Variants in CEP83 observed in about 807,000 individuals in gnomAD.
CEP83 encodes the protein centrosomal protein 83, also known as centrosomal protein of 83 kDa.
CEP83 carries 70 observed loss-of-function variants against 101.9 expected under a neutral mutation model. That is an observed-to-expected ratio of 0.69 (90% CI 0.57 to 0.84). CEP83 has a LOEUF of 0.84. CEP83 is among the 40% of genes least tolerant of loss of function. CEP83 has a pLI of 0.00. For missense variants in CEP83, 715 were observed against 787.2 expected (o/e 0.91, Z 1.10); for synonymous variants, 264 against 267.9 (o/e 0.99, Z 0.14).
Position 94,331,694 on chromosome 12 carries a change from A to G in CEP83, c.1707+6T>C. 2 of 1,613,250 alleles carry G rather than the reference A, an allele frequency of 1.2e-6. No homozygotes were observed. The highest frequency in any genetic ancestry group is 1.7e-5 in the Admixed American group (1 of 60,000). On this transcript the variant is annotated splice_donor_region_variant and intron_variant, in intron 14 of 16. Coordinates refer to ENST00000397809, the MANE Select transcript of CEP83 (RefSeq NM_016122.3). ...GCCAGAGATCACTTTAATAAGAACC[A>G]CTTGCCTTTTTCTGGGCAATTGCAG...
rs74238537 is a variant in CEP83 at position 94,315,479 on chromosome 12, T to C, written c.1708-2462A>G. ...GTTCTTTATATATTCAAGATATGAA[T>C]CGTATGTCAGATATATATGTATTGC... On this transcript the variant is annotated intron_variant, in intron 14 of 16. Coordinates refer to ENST00000397809, the MANE Select transcript of CEP83 (RefSeq NM_016122.3). Among the ~76,000 whole-genome samples the C allele has an allele frequency of 2.6e-4, 39 of 152,222 alleles. No individual in the cohort carries two copies. The East Asian group carries it at 7.3e-3, about 29-fold the overall frequency.
chr12:94,325,420 G>A (rs554351084), intron 14 of CEP83, among the ~76,000 whole-genome samples: 11 of 152,070 alleles, frequency 7.2e-5, no homozygotes, highest in African/African-American at 1.4e-4. Context: ...TGATCTGTCC[G>A]CCTTGGCCTC....
intron 11 of CEP83, among the ~76,000 whole-genome samples, chr12:94,350,836 G>T (rs1250879364): frequency 6.6e-6 from 1 of 151,982 alleles, no homozygotes; most frequent in Admixed American, 6.6e-5. Context: ...TTTCAAAAAA[G>T]ATGCATATTA....
intron 14 of CEP83, among the ~76,000 whole-genome samples, chr12:94,319,321 G>A (rs2136352597): frequency 6.6e-6 from 1 of 152,096 alleles, no homozygotes; most frequent in East Asian, 1.9e-4. Flanking sequence ...GCTAACTAGT[G>A]GCCTAACAAT....
At chr12:94,271,381 C>A in the CEP83 span, among the ~76,000 whole-genome samples, 1 of 152,320 alleles carries the variant, frequency 6.6e-6, no homozygotes, top group Non-Finnish European at 1.5e-5. Context: ...AGACCTGTTC[C>A]CCTGCCCTTG....
chr12:94,376,033 A>G lies in CEP83; in HGVS notation c.802-16T>C. On this transcript the variant is annotated splice_polypyrimidine_tract_variant and intron_variant, in intron 7 of 16. Coordinates refer to ENST00000397809, the MANE Select transcript of CEP83 (RefSeq NM_016122.3). ...GTTTTTCAGCCTTTCATACAAACAAAATAGTTTAAAATTCATCATTTTTCA... is the reference window on the plus strand; with the variant it reads ...GTTTTTCAGCCTTTCATACAAACAAGATAGTTTAAAATTCATCATTTTTCA... 1 of 1,461,806 alleles carries G rather than the reference A, an allele frequency of 6.8e-7. No homozygotes were observed. Among genetic ancestry groups the G allele is most frequent in the South Asian group, 1.5e-5 (1 of 67,478 alleles). The allele number at this position is 1,461,806 out of a possible 1,614,324, so 90.6% of individuals were successfully genotyped here. A position where few individuals can be genotyped will look rare whatever the true frequency, so the allele number is the denominator to read the frequency against.
chr12:94,356,008 CGT>C (rs1389655267), intron 11 of CEP83, among the ~76,000 whole-genome samples: 2 of 152,152 alleles, frequency 1.3e-5, no homozygotes, highest in Admixed American at 6.5e-5. Flanking sequence ...TATATTTCTG[CGT>C]GTGTGTCTTT....
In CEP83 at chr12:94,309,075, T is replaced by C. The variant is rs1020783490; in HGVS notation, c.2002-158A>G. On this transcript the variant is annotated intron_variant, in intron 16 of 16. Coordinates refer to ENST00000397809, the MANE Select transcript of CEP83 (RefSeq NM_016122.3). ...AACAGTAGCATGGGCTAAACTACCATCTAGTTTTGCTTCTCTCCTGCCTCA... is the reference window on the plus strand; with the variant it reads ...AACAGTAGCATGGGCTAAACTACCACCTAGTTTTGCTTCTCTCCTGCCTCA... Among the ~76,000 whole-genome samples the C allele has an allele frequency of 2.6e-5, 4 of 152,308 alleles. No individual in the cohort carries two copies. In the South Asian group the frequency reaches 6.2e-4, roughly 24 times the overall value.
chr12:94,434,773 A>G (rs765943673), intron 2 of CEP83, among the ~76,000 whole-genome samples: 8 of 152,262 alleles, frequency 5.3e-5, no homozygotes, highest in Non-Finnish European at 5.9e-5. Context: ...TATACCTTAT[A>G]CATACACATA....
chr12:94,423,641 G>A lies in CEP83; in HGVS notation c.-101-11050C>T, dbSNP rs144679889. 4.9e-3 allele frequency: 7,622 copies of A among 1,549,338 alleles called. 345 individuals carry two copies. In the African/African-American group the frequency reaches 0.093, roughly 19 times the overall value. On this transcript the variant is annotated intron_variant, in intron 2 of 16. Coordinates refer to ENST00000397809, the MANE Select transcript of CEP83 (RefSeq NM_016122.3). ...CTAAGTGTTAGTCCTTAGCAGGGCC[G>A]ACGGATGGTCTCCATTCCTGGTTAA...
At chr12:94,303,416 A>G (rs975636036), downstream of CEP83, among the ~76,000 whole-genome samples, 1 of 152,224 alleles carries the variant, frequency 6.6e-6, no homozygotes, top group Non-Finnish European at 1.5e-5. Flanking sequence ...GCTTTTTACA[A>G]CCATTAGTAA....
At chr12:94,323,631 C>T (rs780477520) in intron 14 of CEP83, among the ~76,000 whole-genome samples, 1 of 152,178 alleles carries the variant, frequency 6.6e-6, no homozygotes, top group African/African-American at 2.4e-5. Context: ...GAAAGTGGCA[C>T]ACACCAGCTG....
At chr12:94,322,095 T>C (rs1021440739) in intron 14 of CEP83, among the ~76,000 whole-genome samples, 1 of 152,084 alleles carries the variant, frequency 6.6e-6, no homozygotes, top group African/African-American at 2.4e-5. Flanking sequence ...AGGAGGTGGC[T>C]AGAGACCTCG....
intron 2 of CEP83, among the ~76,000 whole-genome samples, chr12:94,429,253 G>C (rs942571705): frequency 1.3e-5 from 2 of 152,192 alleles, no homozygotes; most frequent in Non-Finnish European, 2.9e-5. Context: ...TCAGGGGAAA[G>C]GGTAAATGAG....
At chr12:94,368,251 G>GA (rs2061120962) in intron 9 of CEP83, 50 bp from the exon 10 acceptor site, 1 of 1,424,640 alleles carries the variant, frequency 7.0e-7, no homozygotes, top group Non-Finnish European at 9.6e-7. Context: ...TTATTAAGAT[G>GA]AAAAATCACA....
intron 11 of CEP83, among the ~76,000 whole-genome samples, chr12:94,343,812 G>A (rs879688196): frequency 3.9e-4 from 60 of 152,268 alleles, no homozygotes; most frequent in Middle Eastern, 3.4e-3. Context: ...TTTTTAAAAA[G>A]GTTCTCCTAC....
chr12:94,412,237 T>C (rs934530875), intron 3 of CEP83, 81 bp downstream of exon 3: 2 of 1,152,768 alleles, frequency 1.7e-6, no homozygotes, highest in Admixed American at 2.6e-5. Flanking sequence ...AATTATACTA[T>C]ATTCTATAGC....
At chr12:94,352,927 G>A (rs777782156) in intron 11 of CEP83, among the ~76,000 whole-genome samples, 19 of 152,220 alleles carry the variant, frequency 1.2e-4, no homozygotes, top group Non-Finnish European at 2.2e-4. Flanking sequence ...CAAAAACGTT[G>A]TAAACAAAAT....
intron 6 of CEP83, among the ~76,000 whole-genome samples, chr12:94,396,280 CTTTTTTTTTTTTTT>C (rs776434390): frequency 2.2e-5 from 2 of 90,948 alleles, no homozygotes; most frequent in East Asian, 3.2e-4. Context: ...AAAAGCATGA[CTTTTTTTTTTTTTT>C]TTTTTTTTTT....
Sources: gnomAD v4.1 joint callset for allele counts (sites outside exome capture counted in the v4.1 genomes callset) on GRCh38, gnomAD v4.1.1 for gene constraint, MANE v1.5 for transcripts, NCBI Gene and HGNC (gene_info 2026-07-23, HGNC 2026-07-21) for gene names.